The following PCNX2 variants were observed in gnomAD, a reference collection of about 807,000 sequenced individuals.
The protein encoded by PCNX2 is pecanex-like protein 2.
In PCNX2, 168 loss-of-function variants were observed where a neutral mutation model predicts 223.8. That is an observed-to-expected ratio of 0.75 (90% CI 0.66 to 0.85). PCNX2 has a LOEUF of 0.85. Ranked by LOEUF, PCNX2 falls within the 40% of genes least tolerant of loss-of-function variation. PCNX2 has a pLI of 0.00. For missense variants in PCNX2, 2,507 were observed against 2,675.5 expected, an observed-to-expected ratio of 0.94 and a Z score of 1.39; for synonymous variants, 1,006 against 1,052.6, an observed-to-expected ratio of 0.96 and a Z score of 0.86.
chr1:233,153,917 G>A (rs1056119346), intron 19 of PCNX2, among the ~76,000 whole-genome samples: 1 of 152,124 alleles, frequency 6.6e-6, no homozygotes, highest in Admixed American at 6.5e-5. Context: ...GCATCACATA[G>A]AAACTAGTCT....
chr1:232,994,089 G>T (rs1248337268), intron 32 of PCNX2, among the ~76,000 whole-genome samples: 1 of 152,214 alleles, frequency 6.6e-6, no homozygotes, highest in African/African-American at 2.4e-5. Flanking sequence ...GTCCCACTGG[G>T]GTACTGCCTA....
chr1:233,300,157 A>G (rs1662236318), upstream of PCNX2, among the ~76,000 whole-genome samples: 1 of 152,242 alleles, frequency 6.6e-6, no homozygotes, highest in Admixed American at 6.5e-5. Flanking sequence ...TGACTTTACC[A>G]ATAAATTTTG....
At chr1:233,141,777 G>A (rs867594941) in intron 19 of PCNX2, among the ~76,000 whole-genome samples, 5 of 146,346 alleles carry the variant, frequency 3.4e-5, no homozygotes, top group African/African-American at 5.3e-5. Flanking sequence ...ATGTATATGT[G>A]TGTGTGTGTG....
At chr1:233,300,505 G>A (rs1310814351), upstream of PCNX2, among the ~76,000 whole-genome samples, 1 of 152,148 alleles carries the variant, frequency 6.6e-6, no homozygotes, top group Non-Finnish European at 1.5e-5. Context: ...CCCTAGGGTG[G>A]GCATTCTGCC....
At chr1:233,202,558 A>G (rs923649202) in intron 13 of PCNX2, among the ~76,000 whole-genome samples, 1 of 152,318 alleles carries the variant, frequency 6.6e-6, no homozygotes, top group Admixed American at 6.5e-5. Flanking sequence ...TGTGTCTTCA[A>G]TGTGCCCTAT....
intron 23 of PCNX2, among the ~76,000 whole-genome samples, chr1:233,085,227 G>A (rs1171092275): frequency 6.6e-6 from 1 of 151,998 alleles, no homozygotes; most frequent in Non-Finnish European, 1.5e-5. Flanking sequence ...CAGCTACTCG[G>A]GAGGCTGAGG....
At chr1:233,071,816 T>C (rs1044817112) in intron 23 of PCNX2, among the ~76,000 whole-genome samples, 1 of 152,216 alleles carries the variant, frequency 6.6e-6, no homozygotes. Context: ...TGTTATTCTT[T>C]GACTTTTTAG....
rs372600383 is a variant in PCNX2 at position 233,054,346 on chromosome 1, C to T, written c.4273G>A (p.Asp1425Asn). 2 of 1,613,778 alleles carry T rather than the reference C, an allele frequency of 1.2e-6. No homozygotes were observed. Among genetic ancestry groups the T allele is most frequent in the African/African-American group, 2.7e-5 (2 of 74,912 alleles). ...SGDCFILASD[D>N]LNAFVHLIEI... ...ATCAGGTGAACAAAGGCATTGAGGT[C>T]ATCTGAAGCCAAAATAAAGCAATCG... is the stretch of plus-strand genomic sequence containing the variant. The change falls in exon 25 of 34, where the codon GAC becomes AAC. Residue 1425 changes from aspartate (D) to asparagine (N), a missense_variant. Coordinates refer to ENST00000258229, the MANE Select transcript of PCNX2 (RefSeq NM_014801.4).
intron 23 of PCNX2, among the ~76,000 whole-genome samples, chr1:233,073,693 G>T (rs1672954948): frequency 6.6e-6 from 1 of 152,040 alleles, no homozygotes; most frequent in Non-Finnish European, 1.5e-5. Context: ...GCTCACTGAA[G>T]TCTCTAACTT....
chr1:233,173,437 A>T (rs1390103517), intron 17 of PCNX2, among the ~76,000 whole-genome samples: 2 of 152,228 alleles, frequency 1.3e-5, no homozygotes, highest in African/African-American at 4.8e-5. Flanking sequence ...AAGTGCTGGC[A>T]TTATAGGTGT....
intron 1 of PCNX2, chr1:233,288,818 T>TTC: frequency 1.3e-6 from 1 of 749,534 alleles, no homozygotes; most frequent in East Asian, 2.7e-5. Context: ...TTTTTTTTTT[T>TTC]TTTTTTTTAC....
chr1:233,183,012 C>G (rs1679890572), intron 15 of PCNX2, among the ~76,000 whole-genome samples: 1 of 152,148 alleles, frequency 6.6e-6, no homozygotes, highest in Non-Finnish European at 1.5e-5. Flanking sequence ...CAGAGTAGCT[C>G]TTCAGCATGT....
chr1:233,092,476 C>G (rs1014064929), intron 22 of PCNX2, among the ~76,000 whole-genome samples: 1 of 152,094 alleles, frequency 6.6e-6, no homozygotes, highest in African/African-American at 2.4e-5. Flanking sequence ...GGAAACTGTG[C>G]TAGTCTAAAA....
At chr1:233,037,356 G>A (rs1671490696) in intron 25 of PCNX2, among the ~76,000 whole-genome samples, 1 of 152,104 alleles carries the variant, frequency 6.6e-6, no homozygotes, top group African/African-American at 2.4e-5. Flanking sequence ...TGTAGAGACG[G>A]GGTCTGCCTC....
At chr1:233,096,831 G>C (rs1195240278) in intron 21 of PCNX2, among the ~76,000 whole-genome samples, 1 of 152,142 alleles carries the variant, frequency 6.6e-6, no homozygotes, top group African/African-American at 2.4e-5. Flanking sequence ...TGGGCAATGG[G>C]GCCATTAAGA....
chr1:233,232,770 C>G (rs1231310333), intron 9 of PCNX2: 2 of 977,172 alleles, frequency 2.0e-6, no homozygotes, highest in Non-Finnish European at 2.4e-6. Context: ...CCTAGAATAA[C>G]AGTCAGCCAG....
At chr1:233,289,421 C>T in intron 1 of PCNX2, 2 of 1,422,014 alleles carry the variant, frequency 1.4e-6, no homozygotes, top group Non-Finnish European at 2.0e-6. Flanking sequence ...CATTAGGCTT[C>T]ACGATCTTGG....
At chr1:233,198,025 G>A (rs973836227) in intron 15 of PCNX2, among the ~76,000 whole-genome samples, 1 of 152,050 alleles carries the variant, frequency 6.6e-6, no homozygotes, top group African/African-American at 2.4e-5. Context: ...TATGTATACT[G>A]TTATATTTAG....
chr1:233,065,757 G>C (rs1672577687), intron 23 of PCNX2: 1 of 151,780 alleles, frequency 6.6e-6, no homozygotes, highest in Admixed American at 6.6e-5. Flanking sequence ...ACAGAAAATT[G>C]TAGGTCATAA....
Sources: allele counts gnomAD v4.1 joint callset (sites outside exome capture counted in the v4.1 genomes callset), GRCh38; gene constraint gnomAD v4.1.1; transcripts MANE v1.5; gene names NCBI Gene and HGNC (gene_info 2026-07-23, HGNC 2026-07-21).